ADORA2B: variants seen among roughly 807,000 people sequenced by gnomAD.
The protein encoded by ADORA2B is adenosine receptor A2b.
A neutral mutation model predicts 20.8 loss-of-function variants in ADORA2B; 18 were observed. The observed-to-expected ratio is 0.87, with a 90% confidence interval of 0.60 to 1.29. ADORA2B has a LOEUF of 1.29. Ranked by LOEUF, ADORA2B falls within the 50% of genes most tolerant of loss-of-function variation. The pLI is 0.00. For synonymous variants in ADORA2B, 179 were observed against 178.3 expected, an observed-to-expected ratio of 1.00 and a Z score of -0.03; for missense variants, 441 against 422.7, an observed-to-expected ratio of 1.04 and a Z score of -0.38.
chr17:15,873,697 C>G, the ADORA2B span, among the ~76,000 whole-genome samples: 1 of 152,050 alleles, frequency 6.6e-6, no homozygotes, highest in Admixed American at 6.6e-5. Flanking sequence ...AATGAGAGAC[C>G]ACGTTACTCC....
chr17:15,961,029 T>C (rs1281734652), intron 1 of ADORA2B, among the ~76,000 whole-genome samples: 1 of 150,886 alleles, frequency 6.6e-6, no homozygotes, highest in East Asian at 1.9e-4. Context: ...TAGCCAGGCG[T>C]GGTGGCGGGT....
chr17:15,933,975 A>G, the ADORA2B span, among the ~76,000 whole-genome samples: 1 of 152,108 alleles, frequency 6.6e-6, no homozygotes, highest in Admixed American at 6.6e-5. Context: ...TGAATACGCT[A>G]TATTAGCTTT....
the ADORA2B span, among the ~76,000 whole-genome samples, chr17:15,918,404 G>GT: frequency 6.6e-6 from 1 of 152,206 alleles, no homozygotes; most frequent in Non-Finnish European, 1.5e-5. Flanking sequence ...TTTGTAGGCT[G>GT]AGTACAGTCA....
At chr17:15,892,697 AATTCATTAATAGACACCTC>A in the ADORA2B span, among the ~76,000 whole-genome samples, 1 of 149,382 alleles carries the variant, frequency 6.7e-6, no homozygotes, top group Non-Finnish European at 1.5e-5. Context: ...ACACAGAGTC[AATTCATTAATAGACACCTC>A]ATGGAGGCAC....
At chr17:15,862,141 A>G in the ADORA2B span, among the ~76,000 whole-genome samples, 1 of 149,994 alleles carries the variant, frequency 6.7e-6, no homozygotes, top group East Asian at 1.9e-4. Flanking sequence ...TCATGAAGTT[A>G]TAGCTAACAC....
the ADORA2B span, among the ~76,000 whole-genome samples, chr17:15,895,096 T>C: frequency 6.6e-6 from 1 of 152,120 alleles, no homozygotes; most frequent in Non-Finnish European, 1.5e-5. Flanking sequence ...TCAGTATTTT[T>C]CTATGAAGGC....
At chr17:15,972,262 T>G (rs1970197405) in intron 1 of ADORA2B, among the ~76,000 whole-genome samples, 1 of 152,206 alleles carries the variant, frequency 6.6e-6, no homozygotes, top group Admixed American at 6.5e-5. Context: ...TGGGGGGTTC[T>G]GCGGCCATGC....
chr17:15,879,335 C>G, the ADORA2B span, among the ~76,000 whole-genome samples: 1 of 151,992 alleles, frequency 6.6e-6, no homozygotes, highest in South Asian at 2.1e-4. Flanking sequence ...TGCCTGTAGT[C>G]TCAGGTACTT....
chr17:15,952,993 G>C (rs1278852770), intron 1 of ADORA2B, among the ~76,000 whole-genome samples: 2 of 152,270 alleles, frequency 1.3e-5, no homozygotes, highest in Non-Finnish European at 2.9e-5. Flanking sequence ...GTGGAGAACA[G>C]CCTGTCCCAG....
the ADORA2B span, among the ~76,000 whole-genome samples, chr17:15,911,290 G>A: frequency 6.6e-6 from 1 of 152,324 alleles, no homozygotes; most frequent in East Asian, 1.9e-4. Flanking sequence ...TTCTCCTTGT[G>A]CTTCTACTTT....
chr17:15,926,169 T>C, the ADORA2B span, among the ~76,000 whole-genome samples: 1 of 152,122 alleles, frequency 6.6e-6, no homozygotes, highest in Non-Finnish European at 1.5e-5. Context: ...AGCCCCAAGA[T>C]TCCTCTGCAG....
chr17:15,881,757 C>T, the ADORA2B span, among the ~76,000 whole-genome samples: 3 of 152,336 alleles, frequency 2.0e-5, no homozygotes, highest in South Asian at 2.1e-4. Context: ...GTGTCAGCCA[C>T]GCTGCTTCTG....
In ADORA2B at chr17:15,974,678, G is replaced by A. The variant is rs778025998; in HGVS notation, c.336-1G>A. 1 of 1,611,698 alleles carries A rather than the reference G, an allele frequency of 6.2e-7. No individual in the cohort carries two copies. Among genetic ancestry groups the A allele is most frequent in the South Asian group, 1.1e-5 (1 of 90,916 alleles). On this transcript the variant is annotated splice_acceptor_variant, in intron 1 of 1. Coordinates refer to ENST00000304222, the MANE Select transcript of ADORA2B (RefSeq NM_000676.4). LOFTEE classifies it high-confidence loss of function. ...GTAACAGATGGTATTCTTTTAAACA[G>A]GTATAAAAGTTTGGTCACGGGGACC...
upstream of ADORA2B, among the ~76,000 whole-genome samples, chr17:15,944,419 A>C (rs1291830076): frequency 1.3e-5 from 2 of 152,122 alleles, no homozygotes; most frequent in East Asian, 3.9e-4. The surrounding 1 kb of genome is among the most constrained non-coding windows in gnomAD (Gnocchi z 4.8). Flanking sequence ...AAGAAAAAAG[A>C]GGGCCCGGGG....
At chr17:15,936,066 G>A in the ADORA2B span, among the ~76,000 whole-genome samples, 2 of 151,622 alleles carry the variant, frequency 1.3e-5, no homozygotes, top group African/African-American at 4.8e-5. Context: ...TAGTAGAGAC[G>A]GGGTTTCAAC....
At chr17:15,889,187 CAT>C in the ADORA2B span, among the ~76,000 whole-genome samples, 4 of 127,094 alleles carry the variant, frequency 3.1e-5, no homozygotes, top group African/African-American at 6.8e-5. Flanking sequence ...TATTTTTAAT[CAT>C]GTGTATTATT....
chr17:15,937,843 G>A, the ADORA2B span, among the ~76,000 whole-genome samples: 4,020 of 152,246 alleles, frequency 0.026, 190 homozygotes, highest in African/African-American at 0.092. Flanking sequence ...AAATTGCTGG[G>A]ATTACAGGCG....
At chr17:15,868,617 CAA>C in the ADORA2B span, among the ~76,000 whole-genome samples, 3 of 101,484 alleles carry the variant, frequency 3.0e-5, no homozygotes, top group Non-Finnish European at 2.0e-5. Context: ...ACTAAAAATA[CAA>C]AAAAAAAAAA....
the ADORA2B span, among the ~76,000 whole-genome samples, chr17:15,934,296 T>C: frequency 2.0e-5 from 3 of 152,198 alleles, no homozygotes; most frequent in Non-Finnish European, 2.9e-5. Flanking sequence ...TGGCACAATC[T>C]CAGCTCACTG....
Sources: gnomAD v4.1 joint callset for allele counts (sites outside exome capture counted in the v4.1 genomes callset) on GRCh38, gnomAD v4.1.1 for gene constraint, Gnocchi (gnomAD v3.1) non-coding constraint, MANE v1.5 for transcripts, NCBI Gene and HGNC (gene_info 2026-07-23, HGNC 2026-07-21) for gene names.